STX7: variants seen among roughly 807,000 people sequenced by gnomAD.
The protein encoded by STX7 is syntaxin 7, also known as syntaxin-7.
STX7 carries 34 observed loss-of-function variants against 39.6 expected under a neutral mutation model. The ratio of observed to expected loss-of-function variants is 0.86; its 90% CI spans 0.65 to 1.14. STX7 has a LOEUF of 1.14. Among genes scored for constraint, STX7 ranks in the 50% most tolerant of loss-of-function variants. The pLI, the probability that STX7 is intolerant of heterozygous loss-of-function variation, is 0.00. For synonymous variants in STX7, 119 were observed against 99.1 expected (o/e 1.20, Z -1.19); for missense variants, 284 against 310.4 (o/e 0.92, Z 0.64).
chr6:132,486,513 C>T (rs1034560783), intron 2 of STX7, among the ~76,000 whole-genome samples: 1 of 152,110 alleles, frequency 6.6e-6, no homozygotes, highest in African/African-American at 2.4e-5. Context: ...ATATTTATTG[C>T]TCTTTCAGTA....
chr6:132,508,734 ACTCCTGGG>A (rs11279716), intron 1 of STX7, among the ~76,000 whole-genome samples: 12,229 of 151,250 alleles, frequency 0.081, 646 homozygotes, highest in East Asian at 0.17. Context: ...CTGGTCTTGA[ACTCCTGGG>A]CTCATGCGAT....
chr6:132,502,715 C>A (rs914684169), intron 2 of STX7, among the ~76,000 whole-genome samples: 2 of 151,946 alleles, frequency 1.3e-5, no homozygotes, highest in East Asian at 3.9e-4. Context: ...CTGGCTAACA[C>A]GGTGAAACCC....
chr6:132,469,615 A>G (rs1774658798), intron 7 of STX7, among the ~76,000 whole-genome samples: 1 of 152,204 alleles, frequency 6.6e-6, no homozygotes, highest in Admixed American at 6.5e-5. Context: ...AGGCAGGCAG[A>G]TCACTTGAGA....
chr6:132,470,896 GTAT>G (rs1164026309), intron 5 of STX7, among the ~76,000 whole-genome samples: 1 of 152,048 alleles, frequency 6.6e-6, no homozygotes, highest in Non-Finnish European at 1.5e-5. Context: ...GATCAAATAA[GTAT>G]TATTTAGTTA....
chr6:132,503,746 TA>T (rs34969231), intron 1 of STX7, among the ~76,000 whole-genome samples, 158 bp from the exon 2 acceptor site: 19,867 of 143,630 alleles, frequency 0.14, 2,043 homozygotes, highest in African/African-American at 0.3. Flanking sequence ...TCATGTCTAC[TA>T]AAAAAAAAAA....
Position 132,447,567 on chromosome 6 carries a change from G to A in STX7, c.*13191C>T, listed in dbSNP as rs1335153505. On this transcript the variant is annotated 3_prime_UTR_variant, in exon 10 of 10. Transcript: ENST00000367941. Reference sequence around the variant, plus strand: ...ATACAACATAATAGTTTTTTTTTCCGTTTTGCCCTCTACATTTTTACTTTA... The same window carrying A: ...ATACAACATAATAGTTTTTTTTTCCATTTTGCCCTCTACATTTTTACTTTA... The A allele has an allele frequency of 2.0e-5, 3 of 150,044 alleles. No individual in the cohort carries two copies. The highest frequency in any genetic ancestry group is 4.9e-5 in the African/African-American group (2 of 40,826). 9.3% of individuals were successfully genotyped at this position (150,044 alleles called of 1,614,324 possible).
intron 2 of STX7, among the ~76,000 whole-genome samples, chr6:132,501,954 G>C (rs1051220845): frequency 1.3e-5 from 2 of 151,846 alleles, no homozygotes; most frequent in Non-Finnish European, 2.9e-5. Context: ...GAGCAAAGCA[G>C]AGCCAACGCC....
intron 2 of STX7, among the ~76,000 whole-genome samples, chr6:132,501,705 A>G (rs1281695451): frequency 2.0e-5 from 3 of 152,126 alleles, no homozygotes; most frequent in Admixed American, 6.5e-5. Flanking sequence ...TTCCCAACAC[A>G]GGATGCTTAT....
chr6:132,501,062 C>CTTTTT (rs765134328), intron 2 of STX7, among the ~76,000 whole-genome samples: 1 of 143,716 alleles, frequency 7.0e-6, no homozygotes. Context: ...CAGTCCCTGT[C>CTTTTT]TTTTTTTTTT....
chr6:132,456,730 G>A lies in STX7; in HGVS notation c.*4028C>T, dbSNP rs1774253890. On this transcript the variant is annotated 3_prime_UTR_variant, in exon 10 of 10. Transcript: ENST00000367941. The stretch of plus-strand genomic sequence containing the variant: ...AAATTCTGAGGCTTCCACTTCACGT[G>A]GTTTGAACTGTACATCTCAGTGTTT... 4 of 152,206 alleles carry A rather than the reference G, an allele frequency of 2.6e-5. No individual in the cohort carries two copies. Among genetic ancestry groups the A allele is most frequent in the Admixed American group, 2.6e-4 (4 of 15,270 alleles). The allele number at this position is 152,206 out of a possible 1,614,324, so 9.4% of individuals were successfully genotyped here. A position where few individuals can be genotyped will look rare whatever the true frequency, so the allele number is the denominator to read the frequency against.
chr6:132,462,590 TG>T (rs1774439278), intron 9 of STX7, among the ~76,000 whole-genome samples: 1 of 140,704 alleles, frequency 7.1e-6, no homozygotes, highest in Admixed American at 6.9e-5. Context: ...GGGGTGTGTG[TG>T]TGTGTGTGTG....
chr6:132,487,341 G>A (rs1775163043), intron 2 of STX7, among the ~76,000 whole-genome samples: 1 of 152,168 alleles, frequency 6.6e-6, no homozygotes, highest in African/African-American at 2.4e-5. Flanking sequence ...TATGGATGAA[G>A]CTGGAAACCA....
intron 1 of STX7, among the ~76,000 whole-genome samples, chr6:132,507,366 A>T (rs1010211132): frequency 2.0e-5 from 3 of 152,258 alleles, no homozygotes; most frequent in African/African-American, 7.2e-5. Context: ...TACACAAGCC[A>T]ATGGTTTTTA....
chr6:132,487,831 A>G (rs1447351456), intron 2 of STX7, among the ~76,000 whole-genome samples: 1 of 152,050 alleles, frequency 6.6e-6, no homozygotes, highest in East Asian at 1.9e-4. Context: ...CAGTCTGGTT[A>G]GATGTTTATC....
At chr6:132,463,867 T>C (rs1414097447) in intron 9 of STX7, 126 bp downstream of exon 9, 10 of 860,228 alleles carry the variant, frequency 1.2e-5, no homozygotes, top group Admixed American at 2.0e-5. Context: ...TTCTCTTCCA[T>C]GGGATTTTAA....
At chr6:132,462,401 C>G (rs1774431431) in intron 9 of STX7, among the ~76,000 whole-genome samples, 2 of 152,142 alleles carry the variant, frequency 1.3e-5, no homozygotes. Flanking sequence ...GGGACATGTG[C>G]TTTTTCCTGT....
At chr6:132,497,099 A>T (rs146599336) in intron 2 of STX7, among the ~76,000 whole-genome samples, 2 of 152,224 alleles carry the variant, frequency 1.3e-5, no homozygotes, top group South Asian at 4.1e-4. Flanking sequence ...CTTCACATAC[A>T]TGCACCAAAA....
Position 132,449,208 on chromosome 6 carries a change from A to G in STX7, c.*11550T>C, listed in dbSNP as rs2012847. 50,395 of 151,740 alleles carry G rather than the reference A, an allele frequency of 0.33. 8,984 individuals are homozygous for G. The highest frequency in any genetic ancestry group is 0.7 in the East Asian group (3,584 of 5,116). 9.4% of individuals were successfully genotyped at this position (151,740 alleles called of 1,614,324 possible). A position where few individuals can be genotyped will look rare whatever the true frequency, so the allele number is the denominator to read the frequency against. ...TCACCATGTTGCTCAGGCTGGTCTT[A>G]AACTCTTGGGCTCAAGTGATCCTCC... On this transcript the variant is annotated 3_prime_UTR_variant, in exon 10 of 10. Transcript: ENST00000367941.
At chr6:132,469,513 A>C (rs1296007970) in intron 7 of STX7, among the ~76,000 whole-genome samples, 1 of 152,182 alleles carries the variant, frequency 6.6e-6, no homozygotes, top group Non-Finnish European at 1.5e-5. Flanking sequence ...CAACTCATAC[A>C]TTACAAATGC....
Sources: gnomAD v4.1 joint callset for allele counts (sites outside exome capture counted in the v4.1 genomes callset) on GRCh38, gnomAD v4.1.1 for gene constraint, MANE v1.5 for transcripts, NCBI Gene and HGNC (gene_info 2026-07-23, HGNC 2026-07-21) for gene names.